The following CRTC3 variants were observed in gnomAD, a reference collection of about 807,000 sequenced individuals.
CRTC3 encodes the protein CREB-regulated transcription coactivator 3.
Under a neutral mutation model 74.5 loss-of-function variants are expected in CRTC3, and 26 were observed. The ratio of observed to expected loss-of-function variants is 0.35; its 90% CI spans 0.26 to 0.48. The LOEUF (loss-of-function observed/expected upper bound fraction) is 0.48. CRTC3 is among the 20% of genes least tolerant of loss of function. The pLI, the probability that CRTC3 is intolerant of heterozygous loss-of-function variation, is 0.99. For missense variants in CRTC3, 760 were observed against 787.3 expected (o/e 0.97, Z 0.41); for synonymous variants, 377 against 325.8 (o/e 1.16, Z -1.69).
At chr15:90,610,148 C>T (rs939384502) in intron 6 of CRTC3, among the ~76,000 whole-genome samples, 1 of 152,156 alleles carries the variant, frequency 6.6e-6, no homozygotes, top group African/African-American at 2.4e-5. Flanking sequence ...ATGTATTTTC[C>T]TCCTGTGTTT....
intron 2 of CRTC3, among the ~76,000 whole-genome samples, chr15:90,554,422 C>T (rs1474839875): frequency 3.9e-5 from 6 of 152,144 alleles, no homozygotes; most frequent in Admixed American, 1.3e-4. Flanking sequence ...AGGCTAGTCT[C>T]GATCTCCTGA....
At chr15:90,627,138 G>A (rs889875478) in intron 10 of CRTC3, among the ~76,000 whole-genome samples, 2 of 152,218 alleles carry the variant, frequency 1.3e-5, no homozygotes, top group African/African-American at 4.8e-5. Context: ...CCCTTCAGGG[G>A]GGGTCACCTG....
At chr15:90,541,360 G>A (rs1401234447) in intron 2 of CRTC3, among the ~76,000 whole-genome samples, 1 of 152,176 alleles carries the variant, frequency 6.6e-6, no homozygotes, top group Admixed American at 6.5e-5. Context: ...AAAGCCAAAT[G>A]TATTATTTAA....
At chr15:90,595,180 T>C (rs1255127453) in intron 3 of CRTC3, 1 of 152,200 alleles carries the variant, frequency 6.6e-6, no homozygotes, top group Non-Finnish European at 1.5e-5. Context: ...ATCAGCAAAT[T>C]TGTACATGTC....
chr15:90,552,426 G>A (rs1966861512), intron 2 of CRTC3, among the ~76,000 whole-genome samples: 1 of 152,204 alleles, frequency 6.6e-6, no homozygotes, highest in South Asian at 2.1e-4. Context: ...ATGGTCTTCA[G>A]AAATTCTGTC....
At chr15:90,580,553 G>T (rs779536572) in intron 2 of CRTC3, among the ~76,000 whole-genome samples, 3 of 151,722 alleles carry the variant, frequency 2.0e-5, no homozygotes, top group Non-Finnish European at 2.9e-5. Context: ...TTAGATTCCA[G>T]AGTAGTTGGG....
intron 2 of CRTC3, among the ~76,000 whole-genome samples, chr15:90,582,435 G>A (rs1967564426): frequency 6.6e-6 from 1 of 152,156 alleles, no homozygotes; most frequent in African/African-American, 2.4e-5. Flanking sequence ...ATTTTATCGT[G>A]GAAATTTGTA....
chr15:90,594,660 A>C (rs1267877698), intron 3 of CRTC3: 1 of 152,220 alleles, frequency 6.6e-6, no homozygotes, highest in African/African-American at 2.4e-5. Context: ...TACCCATGCC[A>C]GGCGCTGTGC....
intron 5 of CRTC3, among the ~76,000 whole-genome samples, chr15:90,605,798 A>T (rs763789371): frequency 1.1e-4 from 17 of 152,260 alleles, no homozygotes; most frequent in Non-Finnish European, 1.8e-4. Context: ...TGCTTACCGT[A>T]AAGTCCTTTC....
intron 3 of CRTC3, chr15:90,597,828 A>G (rs1182601740): frequency 2.0e-5 from 3 of 152,226 alleles, no homozygotes; most frequent in African/African-American, 7.2e-5. Flanking sequence ...TTGCTGAGGG[A>G]AACAGGATGT....
intron 7 of CRTC3, among the ~76,000 whole-genome samples, chr15:90,617,112 G>A (rs1023654962): frequency 1.3e-5 from 2 of 152,070 alleles, no homozygotes; most frequent in Non-Finnish European, 2.9e-5. Flanking sequence ...GTTGAAAAGA[G>A]TTGCTCCACT....
rs1386567477 is a variant in CRTC3 at position 90,644,627 on chromosome 15, C to G, written c.*2487C>G. On this transcript the variant is annotated 3_prime_UTR_variant, in exon 15 of 15. Transcript: ENST00000268184. ...CACTGAATTCAATTTGTCCTTAGGT[C>G]TATGAGTGAGTCCGATCTTTTCTTG... 4.3e-6 allele frequency: 1 copy of G among 232,210 alleles called. No individual in the cohort carries two copies. The highest frequency in any genetic ancestry group is 8.5e-6 in the Non-Finnish European group (1 of 117,482). 14.4% of individuals were successfully genotyped at this position (232,210 alleles called of 1,614,324 possible).
At chr15:90,601,964 C>T (rs928435585) in intron 3 of CRTC3, among the ~76,000 whole-genome samples, 1 of 152,112 alleles carries the variant, frequency 6.6e-6, no homozygotes, top group Non-Finnish European at 1.5e-5. Context: ...ACACTGTTTC[C>T]AGGGGGTGAG....
In CRTC3 at chr15:90,644,007, C is replaced by T. The variant is rs1969541774; in HGVS notation, c.*1867C>T. On this transcript the variant is annotated 3_prime_UTR_variant, in exon 15 of 15. Coordinates refer to ENST00000268184, the MANE Select transcript of CRTC3 (RefSeq NM_022769.5). ...TTCCATTTCTATCTTCTGACCTTGC[C>T]TCTCATCTTTAAAATAACCCTCATG... 2 of 232,156 alleles carry T rather than the reference C, an allele frequency of 8.6e-6. No homozygotes were observed. The highest frequency in any genetic ancestry group is 4.4e-5 in the African/African-American group (2 of 45,266). The allele number at this position is 232,156 out of a possible 1,614,324, so 14.4% of individuals were successfully genotyped here. A position where few individuals can be genotyped will look rare whatever the true frequency, so the allele number is the denominator to read the frequency against.
intron 3 of CRTC3, chr15:90,600,675 G>C (rs557750642): frequency 9.2e-5 from 14 of 152,322 alleles, no homozygotes; most frequent in African/African-American, 3.1e-4. Context: ...GTTAAATAAA[G>C]TGTGAACTCA....
intron 11 of CRTC3, among the ~76,000 whole-genome samples, chr15:90,631,226 C>A (rs1969027457): frequency 6.6e-6 from 1 of 152,116 alleles, no homozygotes; most frequent in African/African-American, 2.4e-5. Flanking sequence ...TATGAGTGAT[C>A]TCTTTTGGGC....
intron 1 of CRTC3, 80 bp from the exon 2 acceptor site, chr15:90,539,959 C>A: frequency 1.1e-6 from 1 of 943,572 alleles, no homozygotes. Flanking sequence ...TGAACCGTTC[C>A]CCTACAAAAT....
At chr15:90,628,373 G>A (rs1439640835) in intron 10 of CRTC3, among the ~76,000 whole-genome samples, 1 of 152,154 alleles carries the variant, frequency 6.6e-6, no homozygotes, top group African/African-American at 2.4e-5. Context: ...GTACAAGAAA[G>A]ATGGGCTGAA....
intron 2 of CRTC3, among the ~76,000 whole-genome samples, chr15:90,541,781 T>TC (rs905523418): frequency 1.4e-4 from 13 of 90,304 alleles, no homozygotes; most frequent in African/African-American, 5.9e-4. Context: ...TTCCCAGGAT[T>TC]CTTTTTTTCT....
Sources: allele counts gnomAD v4.1 joint callset (sites outside exome capture counted in the v4.1 genomes callset), GRCh38; gene constraint gnomAD v4.1.1; transcripts MANE v1.5; gene names NCBI Gene and HGNC (gene_info 2026-07-23, HGNC 2026-07-21).